Variants in NKAIN3 observed in about 807,000 individuals in gnomAD.
NKAIN3 encodes sodium/potassium transporting ATPase interacting 3, also known as sodium/potassium-transporting ATPase subunit beta-1-interacting protein 3.
A neutral mutation model predicts 30.2 loss-of-function variants in NKAIN3; 25 were observed. The ratio of observed to expected loss-of-function variants is 0.83; its 90% CI spans 0.60 to 1.16. NKAIN3 has a LOEUF of 1.16. Ranked by LOEUF, NKAIN3 falls within the 50% of genes most tolerant of loss-of-function variation. NKAIN3 has a pLI of 0.00. For missense variants in NKAIN3, 225 were observed against 254.1 expected (o/e 0.89, Z 0.78); for synonymous variants, 91 against 89.6 (o/e 1.02, Z -0.09).
At chr8:62,890,723 G>A (rs1395117496) in intron 4 of NKAIN3, among the ~76,000 whole-genome samples, 3 of 152,212 alleles carry the variant, frequency 2.0e-5, no homozygotes, top group Non-Finnish European at 4.4e-5. Flanking sequence ...ATCAATAGGA[G>A]AGGGACAGGA....
At chr8:62,716,375 G>A (rs1055722272) in intron 3 of NKAIN3, among the ~76,000 whole-genome samples, 6 of 152,118 alleles carry the variant, frequency 3.9e-5, no homozygotes, top group Non-Finnish European at 5.9e-5. Flanking sequence ...GTGAAGGATA[G>A]GGGTTAATTT....
chr8:62,250,123 G>A, intron 1 of NKAIN3, among the ~76,000 whole-genome samples: 1 of 152,156 alleles, frequency 6.6e-6, no homozygotes, highest in East Asian at 1.9e-4. Flanking sequence ...ACAAGTGAGA[G>A]GAAAAAGCTT....
intron 3 of NKAIN3, among the ~76,000 whole-genome samples, chr8:62,746,334 A>T (rs908721147): frequency 1.3e-5 from 2 of 152,168 alleles, no homozygotes; most frequent in African/African-American, 4.8e-5. Flanking sequence ...GTCCATGATC[A>T]TCTCCCCATC....
intron 1 of NKAIN3, among the ~76,000 whole-genome samples, chr8:62,491,879 C>A (rs1452528705): frequency 6.6e-6 from 1 of 151,804 alleles, no homozygotes. Flanking sequence ...AAAGAGAAGC[C>A]CATAAAGACA....
At chr8:62,914,431 A>C (rs1822020087) in intron 4 of NKAIN3, among the ~76,000 whole-genome samples, 1 of 152,192 alleles carries the variant, frequency 6.6e-6, no homozygotes, top group African/African-American at 2.4e-5. Context: ...TAATCTGTAC[A>C]ACAAACCCCT....
intron 1 of NKAIN3, among the ~76,000 whole-genome samples, chr8:62,535,058 T>C (rs1481004024): frequency 6.6e-6 from 1 of 152,150 alleles, no homozygotes; most frequent in South Asian, 2.1e-4. Context: ...AATTGGAGTG[T>C]CTTTATGGAG....
chr8:62,800,331 G>C (rs1818014256), intron 4 of NKAIN3, among the ~76,000 whole-genome samples: 1 of 152,210 alleles, frequency 6.6e-6, no homozygotes, highest in Non-Finnish European at 1.5e-5. Context: ...AGGGGTTCAT[G>C]CAAGACCCTC....
At chr8:62,934,772 T>C (rs1380520286) in intron 5 of NKAIN3, among the ~76,000 whole-genome samples, 1 of 152,130 alleles carries the variant, frequency 6.6e-6, no homozygotes, top group Non-Finnish European at 1.5e-5. Flanking sequence ...TCAAAGACTC[T>C]CTGGAGTGAC....
chr8:62,612,865 G>A (rs1811337941), intron 3 of NKAIN3, among the ~76,000 whole-genome samples: 1 of 151,902 alleles, frequency 6.6e-6, no homozygotes, highest in African/African-American at 2.4e-5. Flanking sequence ...AATACTATTT[G>A]CATAAACAAG....
chr8:62,790,259 A>G (rs1817662264), intron 4 of NKAIN3, among the ~76,000 whole-genome samples: 1 of 152,152 alleles, frequency 6.6e-6, no homozygotes. Context: ...ACAAAATTCA[A>G]CAACCTTCAT....
chr8:62,912,301 G>C (rs940232689), intron 4 of NKAIN3, among the ~76,000 whole-genome samples: 5 of 152,130 alleles, frequency 3.3e-5, no homozygotes, highest in African/African-American at 1.2e-4. Context: ...CGGTAAGTTG[G>C]TGAGGGAGCG....
chr8:62,697,046 A>C (rs1399422204), intron 3 of NKAIN3, among the ~76,000 whole-genome samples: 1 of 152,204 alleles, frequency 6.6e-6, no homozygotes, highest in African/African-American at 2.4e-5. Flanking sequence ...ACTTGGGCTG[A>C]ATCTTTTCAT....
At chr8:62,736,079 G>A (rs190640745) in intron 3 of NKAIN3, among the ~76,000 whole-genome samples, 109 of 152,268 alleles carry the variant, frequency 7.2e-4, no homozygotes, top group Middle Eastern at 3.4e-3. Context: ...GAAAGACCTT[G>A]GTTTTATTTT....
At chr8:62,468,436 T>C (rs1806227513) in intron 1 of NKAIN3, among the ~76,000 whole-genome samples, 1 of 152,122 alleles carries the variant, frequency 6.6e-6, no homozygotes, top group South Asian at 2.1e-4. Flanking sequence ...TGTTAAGAAG[T>C]GTCTTGAGGC....
intron 1 of NKAIN3, among the ~76,000 whole-genome samples, chr8:62,412,908 T>TA (rs1563387359): frequency 2.9e-4 from 22 of 75,794 alleles, no homozygotes; most frequent in East Asian, 4.3e-4. Flanking sequence ...TGAGACTCCG[T>TA]CAAAAAAAAA....
At chr8:62,906,696 T>C (rs1452705585) in intron 4 of NKAIN3, among the ~76,000 whole-genome samples, 1 of 152,162 alleles carries the variant, frequency 6.6e-6, no homozygotes, top group East Asian at 1.9e-4. Context: ...TCCCTGCACA[T>C]GATTTCTTGC....
intron 3 of NKAIN3, among the ~76,000 whole-genome samples, chr8:62,695,360 A>G (rs1241843322): frequency 6.6e-6 from 1 of 152,234 alleles, no homozygotes. Context: ...AAATATAGGA[A>G]CAGCATGGAA....
intron 3 of NKAIN3, among the ~76,000 whole-genome samples, chr8:62,712,924 T>C (rs1814768174): frequency 6.6e-6 from 1 of 152,202 alleles, no homozygotes; most frequent in South Asian, 2.1e-4. Flanking sequence ...TCTACCACTG[T>C]ATTTCACTTG....
chr8:62,350,521 A>G (rs1318447822), intron 1 of NKAIN3, among the ~76,000 whole-genome samples: 3 of 152,110 alleles, frequency 2.0e-5, no homozygotes, highest in East Asian at 1.9e-4. Flanking sequence ...ACGATGATGA[A>G]AAGTTCTGGG....
Sources: gnomAD v4.1 joint callset for allele counts (sites outside exome capture counted in the v4.1 genomes callset) on GRCh38, gnomAD v4.1.1 for gene constraint, MANE v1.5 for transcripts, NCBI Gene and HGNC (gene_info 2026-07-23, HGNC 2026-07-21) for gene names.